The following SLC25A48 variants were observed in gnomAD, a reference collection of about 807,000 sequenced individuals.
SLC25A48 encodes solute carrier family 25 member 48, also known as CTC-321K16.1.
SLC25A48 carries 29 observed loss-of-function variants against 32.2 expected under a neutral mutation model. The ratio of observed to expected loss-of-function variants is 0.90; its 90% confidence interval spans 0.67 to 1.23. The LOEUF (loss-of-function observed/expected upper bound fraction) is 1.23, where lower values mean the gene tolerates loss of function less well. SLC25A48 is among the 50% of genes most tolerant of loss of function. The pLI is 0.00. For missense variants in SLC25A48, 399 were observed against 422.7 expected, an observed-to-expected ratio of 0.94 and a Z score of 0.49; for synonymous variants, 164 against 172.3, an observed-to-expected ratio of 0.95 and a Z score of 0.38.
At chr5:135,751,156 G>C (rs1755762470) in intron 3 of SLC25A48, among the ~76,000 whole-genome samples, 1 of 152,194 alleles carries the variant, frequency 6.6e-6, no homozygotes, top group Admixed American at 6.5e-5. Flanking sequence ...CTGATTGTTT[G>C]ACACTGCTGA....
At chr5:135,665,956 C>T (rs186374449) in intron 3 of SLC25A48, among the ~76,000 whole-genome samples, 5 of 152,126 alleles carry the variant, frequency 3.3e-5, no homozygotes, top group African/African-American at 9.7e-5. Context: ...TTTCCTCTCT[C>T]TCTCTAATGT....
chr5:135,632,564 C>G (rs1752601555), intron 2 of SLC25A48, among the ~76,000 whole-genome samples: 2 of 152,192 alleles, frequency 1.3e-5, no homozygotes, highest in Non-Finnish European at 2.9e-5. Flanking sequence ...TGGCCTCTCT[C>G]ATTCTTGGGA....
At chr5:135,596,648 C>T (rs942793917) in intron 1 of SLC25A48, among the ~76,000 whole-genome samples, 2 of 152,122 alleles carry the variant, frequency 1.3e-5, no homozygotes, top group Admixed American at 6.5e-5. Context: ...TGGTTGTCAG[C>T]CCCTTCTTGC....
At chr5:135,866,371 T>C (rs1761205424) in intron 4 of SLC25A48, among the ~76,000 whole-genome samples, 1 of 152,194 alleles carries the variant, frequency 6.6e-6, no homozygotes, top group Non-Finnish European at 1.5e-5. Flanking sequence ...TTGAATAGCA[T>C]TGACTGAGAA....
intron 3 of SLC25A48, among the ~76,000 whole-genome samples, chr5:135,800,482 G>A (rs1384691829): frequency 6.6e-6 from 1 of 151,756 alleles, no homozygotes; most frequent in Non-Finnish European, 1.5e-5. Context: ...AATATGCAGG[G>A]GAAGAGAGGA....
chr5:135,780,359 T>C (rs1188829649), intron 3 of SLC25A48, among the ~76,000 whole-genome samples: 1 of 116,134 alleles, frequency 8.6e-6, no homozygotes, highest in African/African-American at 2.6e-5. Context: ...GTGCTGGGAT[T>C]ACAGGCGTGA....
chr5:135,841,761 TC>T (rs925188602), intron 1 of SLC25A48, among the ~76,000 whole-genome samples: 1 of 152,098 alleles, frequency 6.6e-6, no homozygotes, highest in African/African-American at 2.4e-5. Context: ...AAGTATGAAT[TC>T]AGGGCCACTG....
chr5:135,589,790 G>GT (rs1751466217), intron 1 of SLC25A48, among the ~76,000 whole-genome samples: 1 of 152,184 alleles, frequency 6.6e-6, no homozygotes, highest in Non-Finnish European at 1.5e-5. Flanking sequence ...TGCCTCCTGG[G>GT]TTCAAGCGAT....
intron 4 of SLC25A48, among the ~76,000 whole-genome samples, chr5:135,862,511 G>T (rs1359704997): frequency 6.6e-6 from 1 of 152,198 alleles, no homozygotes; most frequent in Non-Finnish European, 1.5e-5. Flanking sequence ...CAGACACAGT[G>T]GGTAAAGAAG....
At chr5:135,883,327 G>A (rs1055283) in intron 7 of SLC25A48, 77 of 985,270 alleles carry the variant, frequency 7.8e-5, no homozygotes, top group Non-Finnish European at 8.6e-5. Flanking sequence ...ACAAACAAAC[G>A]AACAGAACAA....
intron 3 of SLC25A48, among the ~76,000 whole-genome samples, chr5:135,852,307 A>G (rs114495218): frequency 1.3e-5 from 2 of 152,108 alleles, no homozygotes; most frequent in Non-Finnish European, 2.9e-5. Context: ...CGGCGCATGC[A>G]TGGCATGTGT....
chr5:135,642,349 GC>G (rs1752859257), intron 3 of SLC25A48, among the ~76,000 whole-genome samples: 2 of 152,232 alleles, frequency 1.3e-5, no homozygotes, highest in Non-Finnish European at 2.9e-5. Flanking sequence ...AGGTAGCAGG[GC>G]TCTGGGAAGG....
intron 3 of SLC25A48, among the ~76,000 whole-genome samples, chr5:135,774,944 C>G (rs1756509602): frequency 6.6e-6 from 1 of 151,498 alleles, no homozygotes; most frequent in Admixed American, 6.6e-5. Context: ...GAGGATGATA[C>G]TACTCCCAGT....
At chr5:135,710,347 C>T (rs1297383482) in intron 3 of SLC25A48, among the ~76,000 whole-genome samples, 1 of 152,192 alleles carries the variant, frequency 6.6e-6, no homozygotes, top group Non-Finnish European at 1.5e-5. Flanking sequence ...TGAGACGGCT[C>T]CAGCTCACTA....
chr5:135,811,731 AAAAG>A (rs1239781808), intron 3 of SLC25A48, among the ~76,000 whole-genome samples: 1 of 152,232 alleles, frequency 6.6e-6, no homozygotes, highest in Non-Finnish European at 1.5e-5. Context: ...AAAATGCAAT[AAAAG>A]AAAGACACCG....
At chr5:135,762,576 T>G (rs1198172265) in intron 3 of SLC25A48, among the ~76,000 whole-genome samples, 2 of 152,160 alleles carry the variant, frequency 1.3e-5, no homozygotes, top group African/African-American at 4.8e-5. Context: ...TATGGGTATA[T>G]TATAGTATAT....
At chr5:135,860,382 G>T (rs1760681315) in intron 4 of SLC25A48, among the ~76,000 whole-genome samples, 1 of 152,174 alleles carries the variant, frequency 6.6e-6, no homozygotes, top group South Asian at 2.1e-4. Context: ...AAAAGCAGTA[G>T]TTCAAGCCTG....
At chr5:135,787,327 G>A (rs1418049796) in intron 3 of SLC25A48, among the ~76,000 whole-genome samples, 1 of 151,982 alleles carries the variant, frequency 6.6e-6, no homozygotes. Flanking sequence ...ATTTTAGGGA[G>A]ACACGACTTC....
chr5:135,773,525 CATTCCCCTATG>C (rs1203398930), intron 3 of SLC25A48, among the ~76,000 whole-genome samples: 1 of 150,846 alleles, frequency 6.6e-6, no homozygotes, highest in African/African-American at 2.4e-5. Flanking sequence ...AGGGGGTGTA[CATTCCCCTATG>C]ATACTGTGCG....
Sources: allele counts gnomAD v4.1 joint callset (sites outside exome capture counted in the v4.1 genomes callset), GRCh38; gene constraint gnomAD v4.1.1; transcripts MANE v1.5; gene names NCBI Gene and HGNC (gene_info 2026-07-23, HGNC 2026-07-21).